ZNF227: variants seen among roughly 807,000 people sequenced by gnomAD.
ZNF227 encodes zinc finger protein 227.
ZNF227 carries 12 observed loss-of-function variants against 13.2 expected under a neutral mutation model. The ratio of observed to expected loss-of-function variants is 0.91; its 90% CI spans 0.58 to 1.47. The LOEUF (loss-of-function observed/expected upper bound fraction) is 1.47, where lower values mean the gene tolerates loss of function less well. Among genes scored for constraint, ZNF227 ranks in the 40% most tolerant of loss-of-function variants. The pLI, the probability that ZNF227 is intolerant of heterozygous loss-of-function variation, is 0.00. For synonymous variants in ZNF227, 338 were observed against 326.0 expected (o/e 1.04, Z -0.40); for missense variants, 885 against 967.5 (o/e 0.91, Z 1.13).
In ZNF227 at chr19:44,237,217, TAA is replaced by T. The variant is rs1364264480; in HGVS notation, c.*390_*391del. 1 of 165,780 alleles carries T rather than the reference TAA, an allele frequency of 6.0e-6. No homozygotes were observed. The highest frequency in any genetic ancestry group is 1.3e-5 in the Non-Finnish European group (1 of 77,020). 10.3% of individuals were successfully genotyped at this position (165,780 alleles called of 1,614,324 possible). A position where few individuals can be genotyped will look rare whatever the true frequency, so the allele number is the denominator to read the frequency against. ...ATACTTACAGTGATCATTATTTTCATAAAAGCTGTAAAGCTATGAAAAATGAA... is the reference window on the plus strand; with the variant it reads ...ATACTTACAGTGATCATTATTTTCATAAGCTGTAAAGCTATGAAAAATGAA... On this transcript the variant is annotated 3_prime_UTR_variant, in exon 6 of 6. Coordinates refer to ENST00000313040, the MANE Select transcript of ZNF227 (RefSeq NM_182490.3).
intron 2 of ZNF227, among the ~76,000 whole-genome samples, chr19:44,214,102 C>T (rs1401647161): frequency 6.6e-6 from 1 of 152,066 alleles, no homozygotes; most frequent in Non-Finnish European, 1.5e-5. Context: ...GATACATTGG[C>T]TTAAATTATG....
Position 44,236,793 on chromosome 19 carries a change from C to T in ZNF227, c.2363C>T (p.Thr788Ile). The change falls in exon 6 of 6, where the codon ACA (threonine) becomes ATA (isoleucine). Residue 788 changes from threonine to isoleucine, a missense_variant. Coordinates refer to ENST00000313040, the MANE Select transcript of ZNF227 (RefSeq NM_182490.3). ...GACTTCCGTCACCGTTCACGTCTTACATATCATCAGAAAGTCCATACTGGT... is the reference window on the plus strand; with the variant it reads ...GACTTCCGTCACCGTTCACGTCTTATATATCATCAGAAAGTCCATACTGGT... ...DKDFRHRSRLTYHQKVHTGKK... is the reference protein window; with the variant it reads ...DKDFRHRSRLIYHQKVHTGKK... 2 of 1,597,310 alleles carry T rather than the reference C, an allele frequency of 1.3e-6. No homozygotes were observed.
chr19:44,223,102 C>G (rs1429121754), intron 3 of ZNF227, among the ~76,000 whole-genome samples: 1 of 152,180 alleles, frequency 6.6e-6, no homozygotes, highest in Admixed American at 6.5e-5. Context: ...CCTTGCATCC[C>G]AGGGATGAAG....
chr19:44,225,387 G>A (rs1047630056), intron 3 of ZNF227, among the ~76,000 whole-genome samples: 8 of 152,102 alleles, frequency 5.3e-5, no homozygotes, highest in Non-Finnish European at 7.3e-5. Context: ...CATTCTCCCC[G>A]TCACTTTCAG....
chr19:44,210,943 T>G (rs1048484035), upstream of ZNF227, among the ~76,000 whole-genome samples: 4 of 152,102 alleles, frequency 2.6e-5, no homozygotes, highest in African/African-American at 9.7e-5. Flanking sequence ...CCTGTAATCC[T>G]AGCACTTTGG....
At chr19:44,227,708 A>G (rs559238138) in intron 3 of ZNF227, among the ~76,000 whole-genome samples, 2 of 152,346 alleles carry the variant, frequency 1.3e-5, no homozygotes, top group African/African-American at 2.4e-5. Context: ...ATGATAAAGA[A>G]GAGGAAATTC....
chr19:44,215,507 A>C (rs1463161739), intron 2 of ZNF227, among the ~76,000 whole-genome samples: 1 of 145,884 alleles, frequency 6.9e-6, no homozygotes, highest in Admixed American at 6.8e-5. Context: ...ATCTGTGTGT[A>C]TATTTTGTTC....
chr19:44,215,190 C>T (rs1345934339), intron 2 of ZNF227, among the ~76,000 whole-genome samples: 2 of 123,570 alleles, frequency 1.6e-5, no homozygotes, highest in African/African-American at 2.8e-5. Context: ...TTTTTTGAAA[C>T]GGAGTCTCGC....
At chr19:44,224,595 C>T (rs1379508538) in intron 3 of ZNF227, among the ~76,000 whole-genome samples, 1 of 151,778 alleles carries the variant, frequency 6.6e-6, no homozygotes, top group Non-Finnish European at 1.5e-5. Flanking sequence ...CAACCCCTGC[C>T]TTTTTTTTGT....
At chr19:44,219,944 C>A (rs1170040458) in intron 3 of ZNF227, among the ~76,000 whole-genome samples, 2 of 151,846 alleles carry the variant, frequency 1.3e-5, no homozygotes, top group Non-Finnish European at 2.9e-5. Flanking sequence ...CCCCACCCCA[C>A]AACAGTCCCT....
Position 44,235,437 on chromosome 19 carries a change from G to A in ZNF227, c.1007G>A (p.Ser336Asn). 6.2e-7 allele frequency: 1 copy of A among 1,614,076 alleles called. No individual in the cohort carries two copies. The highest frequency in any genetic ancestry group is 1.3e-5 in the African/African-American group (1 of 75,036). The part of the protein sequence containing the change: ...CDSCGKGFSS[S>N]TGLIIHYRTH... The stretch of plus-strand genomic sequence containing the variant: ...AGTTGCGGCAAGGGATTCAGTAGCA[G>A]CACGGGTCTTATCATTCATTACAGA... The change falls in exon 6 of 6, where the codon AGC (serine) becomes AAC (asparagine). Residue 336 changes from serine to asparagine, a missense_variant. By Grantham distance (46) the Ser-to-Asn change is conservative (BLOSUM62 1). Transcript: ENST00000313040.
At position 44,235,272 on chromosome 19, in the gene ZNF227, G is replaced by A; in HGVS notation, c.842G>A (p.Ser281Asn). Residue 281 changes from serine to asparagine, a missense_variant, in exon 6 of 6, where the codon AGC becomes AAC. Ser to Asn is a conservative substitution (Grantham distance 46). Transcript: ENST00000313040. ...ACAGGAGAAAAATGCTTCAGTCAAA[G>A]CTCACATCTGCGAACTCATCAGAGA... ...VHTGEKCFSQ[S>N]SHLRTHQRIH... 6.2e-7 allele frequency: 1 copy of A among 1,614,046 alleles called. No homozygotes were observed. The highest frequency in any genetic ancestry group is 8.5e-7 in the Non-Finnish European group (1 of 1,179,998).
At chr19:44,210,986 G>A (rs1971337179), upstream of ZNF227, among the ~76,000 whole-genome samples, 1 of 152,116 alleles carries the variant, frequency 6.6e-6, no homozygotes, top group South Asian at 2.1e-4. Context: ...CTGAGGTCAG[G>A]AATTCAAGAC....
In ZNF227 at chr19:44,236,697, G is replaced by A; in HGVS notation, c.2267G>A (p.Ser756Asn). 1 of 1,612,226 alleles carries A rather than the reference G, an allele frequency of 6.2e-7. No individual in the cohort carries two copies. The highest frequency in any genetic ancestry group is 8.5e-7 in the Non-Finnish European group (1 of 1,179,414). ...CEECGKGFSQ[S>N]ARLEAHQRVH... The stretch of plus-strand genomic sequence containing the variant: ...GAGTGTGGTAAAGGCTTCAGTCAGA[G>A]TGCACGTCTTGAAGCCCATCAGAGA... The change falls in exon 6 of 6, where the codon AGT (serine) becomes AAT (asparagine). Residue 756 changes from serine (S) to asparagine (N), a missense_variant. Coordinates refer to ENST00000313040, the MANE Select transcript of ZNF227 (RefSeq NM_182490.3).
At chr19:44,217,767 C>A in intron 2 of ZNF227, 24 bp from the exon 3 acceptor site, 2 of 1,613,950 alleles carry the variant, frequency 1.2e-6, no homozygotes, top group Non-Finnish European at 1.7e-6. Flanking sequence ...GCTTGTGTCT[C>A]ATGGCGTCTT....
At chr19:44,208,429 G>A (rs970026981), upstream of ZNF227, among the ~76,000 whole-genome samples, 2 of 152,230 alleles carry the variant, frequency 1.3e-5, no homozygotes, top group African/African-American at 4.8e-5. Context: ...GATAGGGACA[G>A]TGGGTTGTTA....
At chr19:44,219,414 T>TAA (rs984339320) in intron 3 of ZNF227, among the ~76,000 whole-genome samples, 2 of 152,162 alleles carry the variant, frequency 1.3e-5, no homozygotes, top group African/African-American at 4.8e-5. Flanking sequence ...GGTAAAGGTC[T>TAA]AATAGCTTAA....
In ZNF227 at chr19:44,217,442, G is replaced by A. The variant is rs1029257961; in HGVS notation, c.-2-349G>A. The A allele has an allele frequency of 2.7e-5, 14 of 511,134 alleles. 1 individual carries two copies. Among genetic ancestry groups the A allele is most frequent in the Non-Finnish European group, 4.2e-5 (11 of 263,000 alleles). 31.7% of individuals were successfully genotyped at this position (511,134 alleles called of 1,614,324 possible). On this transcript the variant is annotated intron_variant, in intron 2 of 5. Transcript: ENST00000313040. ...ACATAACAGAAGTGAGGCACAGAGA[G>A]GGTTTTTAATATCCCCAAGGTTACA...
intron 5 of ZNF227, 141 bp downstream of exon 5, chr19:44,229,957 A>ATGCTGGT: frequency 2.2e-6 from 1 of 456,144 alleles, no homozygotes; most frequent in Non-Finnish European, 3.7e-6. Context: ...TGGTCTCCCC[A>ATGCTGGT]CCTCCTCCCT....
Sources: gnomAD v4.1 joint callset for allele counts (sites outside exome capture counted in the v4.1 genomes callset) on GRCh38, gnomAD v4.1.1 for gene constraint, MANE v1.5 for transcripts, NCBI Gene and HGNC (gene_info 2026-07-23, HGNC 2026-07-21) for gene names.